Variants in SEMA6D observed in about 807,000 individuals in gnomAD.
The protein encoded by SEMA6D is semaphorin-6D.
SEMA6D carries 35 observed loss-of-function variants against 106.6 expected under a neutral mutation model. The ratio of observed to expected loss-of-function variants is 0.33; its 90% confidence interval spans 0.25 to 0.44. The LOEUF is 0.44. SEMA6D is among the 20% of genes least tolerant of loss of function. The pLI, the probability that SEMA6D is intolerant of heterozygous loss-of-function variation, is 1.00. For missense variants in SEMA6D, 1,185 were observed against 1,345.9 expected (o/e 0.88, Z 1.87); for synonymous variants, 499 against 487.7 (o/e 1.02, Z -0.31).
At chr15:47,450,474 A>G (rs1446273604) in intron 2 of SEMA6D, among the ~76,000 whole-genome samples, 2 of 152,048 alleles carry the variant, frequency 1.3e-5, no homozygotes, top group Non-Finnish European at 2.9e-5. Context: ...TCCCTATGGC[A>G]GGGGTGTCTG....
chr15:47,313,454 T>C (rs1442036328), intron 1 of SEMA6D, among the ~76,000 whole-genome samples: 1 of 152,214 alleles, frequency 6.6e-6, no homozygotes, highest in Non-Finnish European at 1.5e-5. Context: ...TTGATAGCTA[T>C]TTTTTAGTGC....
At chr15:47,347,043 C>T (rs488732) in intron 1 of SEMA6D, among the ~76,000 whole-genome samples, 80,905 of 151,816 alleles carry the variant, frequency 0.53, 24,658 homozygotes, top group African/African-American at 0.85. Flanking sequence ...CAAGTAGCTG[C>T]GATTACAGGC....
At chr15:47,662,467 T>C (rs540889395) in intron 4 of SEMA6D, among the ~76,000 whole-genome samples, 2 of 152,276 alleles carry the variant, frequency 1.3e-5, no homozygotes, top group South Asian at 4.1e-4. Flanking sequence ...GTGACAGTGT[T>C]TTACAATCAG....
chr15:47,275,668 C>G (rs1052050469), intron 1 of SEMA6D, among the ~76,000 whole-genome samples: 2 of 152,094 alleles, frequency 1.3e-5, no homozygotes, highest in African/African-American at 4.8e-5. Context: ...TCTCCCTTCT[C>G]TCTCTCCTTG....
intron 1 of SEMA6D, among the ~76,000 whole-genome samples, chr15:47,385,116 C>G (rs929698173): frequency 2.8e-5 from 4 of 142,952 alleles, no homozygotes; most frequent in Non-Finnish European, 6.0e-5. Flanking sequence ...CAACAGTTTT[C>G]ATAACTCATG....
At chr15:47,443,626 A>G (rs955229568) in intron 2 of SEMA6D, among the ~76,000 whole-genome samples, 2 of 152,126 alleles carry the variant, frequency 1.3e-5, no homozygotes, top group African/African-American at 4.8e-5. Context: ...GGGAGATAAC[A>G]AAATGATTAT....
At chr15:47,256,435 C>G (rs1339670098) in intron 1 of SEMA6D, among the ~76,000 whole-genome samples, 1 of 152,098 alleles carries the variant, frequency 6.6e-6, no homozygotes, top group Non-Finnish European at 1.5e-5. Context: ...TAAGTGTATA[C>G]TTATGTACTA....
intron 4 of SEMA6D, among the ~76,000 whole-genome samples, chr15:47,667,668 C>T (rs947558076): frequency 6.6e-6 from 1 of 152,160 alleles, no homozygotes; most frequent in Non-Finnish European, 1.5e-5. Context: ...GGCTGATAGA[C>T]GACCATCTTC....
chr15:47,477,628 A>G (rs2043038119), intron 3 of SEMA6D, among the ~76,000 whole-genome samples: 2 of 152,136 alleles, frequency 1.3e-5, no homozygotes, highest in African/African-American at 4.8e-5. Flanking sequence ...GCAACTATCT[A>G]AACCAGCCAA....
chr15:47,362,497 C>T (rs2038849929), intron 1 of SEMA6D, among the ~76,000 whole-genome samples: 2 of 152,112 alleles, frequency 1.3e-5, no homozygotes, highest in Non-Finnish European at 2.9e-5. Context: ...AAACTCTGGC[C>T]TCTCCGTGTC....
At chr15:47,239,601 A>G (rs138435774) in intron 1 of SEMA6D, among the ~76,000 whole-genome samples, 1 of 152,310 alleles carries the variant, frequency 6.6e-6, no homozygotes, top group East Asian at 1.9e-4. Flanking sequence ...TTCACGTCTT[A>G]GGTTCAAATC....
chr15:47,498,448 TA>T (rs1186150651), intron 3 of SEMA6D, among the ~76,000 whole-genome samples: 1 of 152,118 alleles, frequency 6.6e-6, no homozygotes, highest in African/African-American at 2.4e-5. Flanking sequence ...TCAAGGCTAC[TA>T]GGGGAGATAT....
At chr15:47,552,500 A>ATG (rs1301693443) in intron 3 of SEMA6D, among the ~76,000 whole-genome samples, 1 of 126,228 alleles carries the variant, frequency 7.9e-6, no homozygotes, top group East Asian at 2.6e-4. Flanking sequence ...GTGTGTATAT[A>ATG]TATGTGTGTG....
At position 47,552,650 on chromosome 15, in the gene SEMA6D, T is replaced by C. The variant is rs143854509; in HGVS notation, c.-86-48215T>C. 2.0e-3 allele frequency among the ~76,000 whole-genome samples: 290 copies of C among 147,032 alleles called. 1 individual carries two copies. Among genetic ancestry groups the C allele is most frequent in the African/African-American group, 7.1e-3 (285 of 40,118 alleles). ...CTCGGGGAGCAGTGACATTTTTAAA[T>C]CTTAAATTTCAAAATGCAGTTGTTT... On this transcript the variant is annotated intron_variant, in intron 3 of 19. Coordinates refer to the SEMA6D transcript ENST00000558014.
intron 1 of SEMA6D, among the ~76,000 whole-genome samples, chr15:47,377,140 A>G (rs561089568): frequency 6.6e-6 from 1 of 152,334 alleles, no homozygotes; most frequent in East Asian, 1.9e-4. Flanking sequence ...GAATTATTAA[A>G]TTTTAAATGA....
chr15:47,319,957 T>G (rs1000489651), intron 1 of SEMA6D, among the ~76,000 whole-genome samples: 3 of 152,104 alleles, frequency 2.0e-5, no homozygotes, highest in Non-Finnish European at 2.9e-5. Flanking sequence ...CAGGGCACTT[T>G]CCACCTGTGA....
intron 2 of SEMA6D, among the ~76,000 whole-genome samples, chr15:47,432,565 A>G (rs1402271226): frequency 6.6e-6 from 1 of 151,940 alleles, no homozygotes; most frequent in African/African-American, 2.4e-5. Context: ...ACATATACGC[A>G]TATGTATATA....
chr15:47,447,648 A>G (rs565469317), intron 2 of SEMA6D, among the ~76,000 whole-genome samples: 2 of 152,246 alleles, frequency 1.3e-5, no homozygotes, highest in East Asian at 1.9e-4. Flanking sequence ...ATCCTATGCA[A>G]TAAACTGATA....
chr15:47,439,937 A>G (rs1401299040), intron 2 of SEMA6D, among the ~76,000 whole-genome samples: 1 of 152,134 alleles, frequency 6.6e-6, no homozygotes, highest in Non-Finnish European at 1.5e-5. Context: ...AAAAAATACA[A>G]TGCATCTGAG....
Sources: gnomAD v4.1 joint callset for allele counts (sites outside exome capture counted in the v4.1 genomes callset) on GRCh38, gnomAD v4.1.1 for gene constraint, MANE v1.5 for transcripts, NCBI Gene and HGNC (gene_info 2026-07-23, HGNC 2026-07-21) for gene names.